ENDOD1: variants seen among roughly 807,000 people sequenced by gnomAD.
The protein encoded by ENDOD1 is endonuclease domain containing 1.
Under a neutral mutation model 6.5 loss-of-function variants are expected in ENDOD1, and 9 were observed. The ratio of observed to expected loss-of-function variants is 1.39; its 90% CI spans 0.84 to 2.43. The LOEUF is 2.43. Among genes scored for constraint, ENDOD1 ranks in the 30% most tolerant of loss-of-function variants. ENDOD1 has a pLI of 0.00. For missense variants in ENDOD1, 648 were observed against 635.5 expected, an observed-to-expected ratio of 1.02 and a Z score of -0.21; for synonymous variants, 255 against 255.2, an observed-to-expected ratio of 1.00 and a Z score of 0.01.
chr11:95,107,339 G>GAAA (rs1178434619), intron 1 of ENDOD1, among the ~76,000 whole-genome samples: 3 of 101,238 alleles, frequency 3.0e-5, no homozygotes, highest in Middle Eastern at 4.9e-3. Flanking sequence ...GTCTCAAAAA[G>GAAA]AAAAAAAAAA....
At chr11:95,101,116 A>G (rs112767340) in intron 1 of ENDOD1, among the ~76,000 whole-genome samples, 2,023 of 152,254 alleles carry the variant, frequency 0.013, 39 homozygotes, top group African/African-American at 0.046. Context: ...GTGAAGGGCT[A>G]AATAGTAAAT....
intron 1 of ENDOD1, among the ~76,000 whole-genome samples, chr11:95,102,383 A>G (rs1565444626): frequency 1.3e-5 from 2 of 151,908 alleles, no homozygotes. Context: ...AAAAAAAAAA[A>G]AAAGGTGGGC....
At chr11:95,091,975 G>C (rs1555109907) in intron 1 of ENDOD1, among the ~76,000 whole-genome samples, 1 of 152,130 alleles carries the variant, frequency 6.6e-6, no homozygotes, top group Non-Finnish European at 1.5e-5. Flanking sequence ...TGACACATGA[G>C]TACTAAGTAC....
chr11:95,122,868 C>T (rs994130417), intron 1 of ENDOD1, among the ~76,000 whole-genome samples: 7 of 152,284 alleles, frequency 4.6e-5, no homozygotes, highest in African/African-American at 1.7e-4. Flanking sequence ...GCATTTTCCT[C>T]AGTGGAAATC....
intron 1 of ENDOD1, among the ~76,000 whole-genome samples, chr11:95,106,729 C>T (rs1311963676): frequency 1.4e-4 from 21 of 152,014 alleles, no homozygotes; most frequent in African/African-American, 4.8e-4. Context: ...TGGATAATTC[C>T]TCTCTCAATA....
At chr11:95,125,159 C>T (rs1859299443) in intron 1 of ENDOD1, among the ~76,000 whole-genome samples, 2 of 152,244 alleles carry the variant, frequency 1.3e-5, no homozygotes, top group East Asian at 3.9e-4. Flanking sequence ...CCAGCATGCT[C>T]CCCCTATGCT....
chr11:95,097,532 T>A (rs957227971), intron 1 of ENDOD1, among the ~76,000 whole-genome samples: 1 of 152,112 alleles, frequency 6.6e-6, no homozygotes, highest in Non-Finnish European at 1.5e-5. Flanking sequence ...TTGTAAAATA[T>A]TGGGGTTTTA....
At chr11:95,124,609 G>C (rs73528781) in intron 1 of ENDOD1, among the ~76,000 whole-genome samples, 1 of 152,222 alleles carries the variant, frequency 6.6e-6, no homozygotes, top group Non-Finnish European at 1.5e-5. Flanking sequence ...GCCCAGGGCA[G>C]GGGGGTGCAC....
In ENDOD1 at chr11:95,099,482, G is replaced by A. The variant is rs958184763; in HGVS notation, c.300+9255G>A. On this transcript the variant is annotated intron_variant, in intron 1 of 1. Transcript: ENST00000278505. ...CACCCTCCAGAGCTCCGCTCCTTGAGCAGAGGTGGCAGACCCACACATCCA... is the reference window on the plus strand; with the variant it reads ...CACCCTCCAGAGCTCCGCTCCTTGAACAGAGGTGGCAGACCCACACATCCA... Among the ~76,000 whole-genome samples the A allele has an allele frequency of 2.6e-5, 4 of 152,332 alleles. No homozygotes were observed. The South Asian group carries it at 6.2e-4, about 24-fold the overall frequency.
At chr11:95,095,077 A>C (rs947486717) in intron 1 of ENDOD1, among the ~76,000 whole-genome samples, 6 of 152,146 alleles carry the variant, frequency 3.9e-5, no homozygotes, top group Admixed American at 3.3e-4. Context: ...ACACAAATGG[A>C]ATGTTGGATT....
At chr11:95,113,572 C>T (rs117991751) in intron 1 of ENDOD1, among the ~76,000 whole-genome samples, 2 of 152,172 alleles carry the variant, frequency 1.3e-5, no homozygotes, top group South Asian at 2.1e-4. Flanking sequence ...TTGCAAATGA[C>T]AGGAATTCAT....
intron 1 of ENDOD1, among the ~76,000 whole-genome samples, chr11:95,127,731 A>G (rs1859324949): frequency 6.6e-6 from 1 of 151,582 alleles, no homozygotes; most frequent in East Asian, 2.0e-4. Flanking sequence ...AGTATTCCAA[A>G]AAAGAATTAT....
intron 1 of ENDOD1, among the ~76,000 whole-genome samples, chr11:95,110,918 TTGTCCC>T (rs1404825619): frequency 3.3e-5 from 5 of 152,166 alleles, no homozygotes; most frequent in Non-Finnish European, 5.9e-5. Context: ...AGGAACTCCC[TTGTCCC>T]TGTCATGTCT....
chr11:95,124,169 TAAAAC>T (rs1859289761), intron 1 of ENDOD1, among the ~76,000 whole-genome samples: 1 of 151,726 alleles, frequency 6.6e-6, no homozygotes, highest in Middle Eastern at 3.4e-3. Flanking sequence ...GAATTTGAAA[TAAAAC>T]AAAATAGAGA....
At chr11:95,090,962 A>G (rs150520405) in intron 1 of ENDOD1, among the ~76,000 whole-genome samples, 1 of 130,436 alleles carries the variant, frequency 7.7e-6, no homozygotes, top group African/African-American at 2.7e-5. Flanking sequence ...ACTACCTCCA[A>G]CTGATGGAAA....
chr11:95,093,848 G>A (rs1196687650), intron 1 of ENDOD1, among the ~76,000 whole-genome samples: 1 of 152,120 alleles, frequency 6.6e-6, no homozygotes, highest in Non-Finnish European at 1.5e-5. Context: ...CTTAGCTTTG[G>A]CCTTTGAAAC....
intron 1 of ENDOD1, among the ~76,000 whole-genome samples, chr11:95,115,293 T>G (rs1310836187): frequency 6.6e-6 from 1 of 152,078 alleles, no homozygotes; most frequent in Non-Finnish European, 1.5e-5. Flanking sequence ...TTCTGATTAT[T>G]CGCTGTTGAT....
intron 1 of ENDOD1, among the ~76,000 whole-genome samples, chr11:95,123,437 G>A (rs1859281767): frequency 6.6e-6 from 1 of 151,996 alleles, no homozygotes; most frequent in African/African-American, 2.4e-5. Context: ...TTACAACGTG[G>A]CCAATGTGAT....
chr11:95,090,092 C>T lies in ENDOD1; in HGVS notation c.165C>T (p.Ile55=). The T allele has an allele frequency of 6.3e-7, 1 of 1,598,988 alleles. No homozygotes were observed. Among genetic ancestry groups the T allele is most frequent in the Non-Finnish European group, 8.5e-7 (1 of 1,174,236 alleles). ...TGGCGGCCGATTCCCACGTGAAGAT[C>T]TGTCAGCGCGCGGAGGGTGCTGAGC... ...AGLAADSHVK[I]CQRAEGAERF... is the part of the protein sequence containing the mutation. Residue 55 remains isoleucine (I), a synonymous_variant, in exon 1 of 2, where the codon ATC becomes ATT. Coordinates refer to ENST00000278505, the MANE Select transcript of ENDOD1 (RefSeq NM_015036.3).
Sources: gnomAD v4.1 joint callset for allele counts (sites outside exome capture counted in the v4.1 genomes callset) on GRCh38, gnomAD v4.1.1 for gene constraint, MANE v1.5 for transcripts, NCBI Gene and HGNC (gene_info 2026-07-23, HGNC 2026-07-21) for gene names.